The following SHISAL1 variants were observed in gnomAD, a reference collection of about 807,000 sequenced individuals.
SHISAL1 encodes the protein shisa like 1, also known as protein shisa-like-1.
SHISAL1 carries 9 observed loss-of-function variants against 22.6 expected under a neutral mutation model. The ratio of observed to expected loss-of-function variants is 0.40; its 90% CI spans 0.24 to 0.70. The LOEUF is 0.70. Among genes scored for constraint, SHISAL1 ranks in the 30% least tolerant of loss-of-function variants. SHISAL1 has a pLI of 0.39. For missense variants in SHISAL1, 246 were observed against 270.6 expected (o/e 0.91, Z 0.64); for synonymous variants, 119 against 115.4 (o/e 1.03, Z -0.20).
intron 4 of SHISAL1, among the ~76,000 whole-genome samples, chr22:44,257,718 C>T (rs1292942479): frequency 6.6e-6 from 1 of 152,228 alleles, no homozygotes; most frequent in Non-Finnish European, 1.5e-5. Flanking sequence ...AAGGGACTCG[C>T]CACCGTGCTC....
At chr22:44,261,075 C>CATATATATATA (rs1439393669) in intron 4 of SHISAL1, among the ~76,000 whole-genome samples, 1 of 53,986 alleles carries the variant, frequency 1.9e-5, no homozygotes, top group African/African-American at 8.2e-5. Context: ...TGCTTCATTA[C>CATATATATATA]TTTATATATA....
chr22:44,288,917 G>A (rs2055334376), intron 3 of SHISAL1, among the ~76,000 whole-genome samples: 1 of 152,236 alleles, frequency 6.6e-6, no homozygotes, highest in African/African-American at 2.4e-5. Context: ...TGGAGATTGG[G>A]AGGGCCCTGA....
rs2055137235 is a variant in SHISAL1 at position 44,263,092 on chromosome 22, T to C, written c.*-13407A>G. Among the ~76,000 whole-genome samples the C allele has an allele frequency of 4.8e-5, 7 of 145,782 alleles. No homozygotes were observed. In the South Asian group the frequency reaches 1.6e-3, roughly 33 times the overall value. ...TTTTCTTTCTTTCTTTTTTTTTTTT[T>C]TTTTTTTGGAGATGGAGTCTGTGTC... On this transcript the variant is annotated intron_variant, in intron 4 of 4. Transcript: ENST00000381176.
In SHISAL1 at chr22:44,248,231, G is replaced by C. The variant is rs748081441; in HGVS notation, c.*1454C>G. The C allele has an allele frequency of 4.6e-5, 7 of 152,234 alleles. No individual in the cohort carries two copies. The highest frequency in any genetic ancestry group is 8.8e-5 in the Non-Finnish European group (6 of 68,072). The allele number at this position is 152,234 out of a possible 1,614,324, so 9.4% of individuals were successfully genotyped here. On this transcript the variant is annotated 3_prime_UTR_variant, in exon 5 of 5. Transcript: ENST00000381176. The stretch of plus-strand genomic sequence containing the variant: ...GCAGGGACCTGCCTTGCTCACTGTC[G>C]TGTCTGGTGAATGGATGGGTGGTCA...
upstream of SHISAL1, among the ~76,000 whole-genome samples, chr22:44,317,541 C>A (rs942329723): frequency 6.6e-6 from 1 of 152,170 alleles, no homozygotes; most frequent in Non-Finnish European, 1.5e-5. Context: ...ATGCCTGTGG[C>A]CCCAACACCC....
the SHISAL1 span, among the ~76,000 whole-genome samples, chr22:44,329,762 C>A: frequency 6.6e-6 from 1 of 152,176 alleles, no homozygotes; most frequent in African/African-American, 2.4e-5. Flanking sequence ...TGGGGAGCGA[C>A]CCCCCAATTC....
chr22:44,294,194 T>A (rs548512389), intron 3 of SHISAL1, among the ~76,000 whole-genome samples: 1 of 152,336 alleles, frequency 6.6e-6, no homozygotes, highest in East Asian at 1.9e-4. Context: ...AGCCCTGATA[T>A]GATGGACAGG....
intron 1 of SHISAL1, among the ~76,000 whole-genome samples, chr22:44,303,740 C>T (rs987770126): frequency 2.6e-5 from 4 of 152,168 alleles, no homozygotes; most frequent in Admixed American, 6.5e-5. Context: ...TGGGTCCACA[C>T]GAGGAAGCTC....
rs909058710 is a variant in SHISAL1, at chr22:44,246,512, C to T, written c.*3173G>A. ...TATGCTTGAACTCGTCACTACCCTG[C>T]ATCCATCTTGTTCTCAGGGACAGTC... On this transcript the variant is annotated 3_prime_UTR_variant, in exon 5 of 5. Transcript: ENST00000381176. 3.9e-5 allele frequency: 6 copies of T among 152,256 alleles called. No individual in the cohort carries two copies. Among genetic ancestry groups the T allele is most frequent in the African/African-American group, 7.2e-5 (3 of 41,446 alleles). The allele number at this position is 152,256 out of a possible 1,614,324, so 9.4% of individuals were successfully genotyped here.
At chr22:44,319,260 G>T in the SHISAL1 span, among the ~76,000 whole-genome samples, 2 of 152,266 alleles carry the variant, frequency 1.3e-5, no homozygotes, top group South Asian at 2.1e-4. Flanking sequence ...AAAAGGAGGG[G>T]CTACTGCCCA....
chr22:44,267,431 G>A (rs1270879999), intron 4 of SHISAL1, among the ~76,000 whole-genome samples: 1 of 150,510 alleles, frequency 6.6e-6, no homozygotes, highest in Admixed American at 6.6e-5. Flanking sequence ...CCCAGGCCCT[G>A]GCCAATCTCA....
intron 4 of SHISAL1, among the ~76,000 whole-genome samples, chr22:44,255,352 C>G (rs2055077431): frequency 1.3e-5 from 2 of 152,130 alleles, no homozygotes; most frequent in South Asian, 4.1e-4. Flanking sequence ...ACTTAATATA[C>G]CCCAAACCAA....
At chr22:44,298,627 C>T (rs1183372910) in intron 2 of SHISAL1, among the ~76,000 whole-genome samples, 1 of 152,242 alleles carries the variant, frequency 6.6e-6, no homozygotes, top group Non-Finnish European at 1.5e-5. Flanking sequence ...GGCAGAAAGT[C>T]TAGCTTAGGC....
At chr22:44,259,315 G>A (rs1172413453) in intron 4 of SHISAL1, among the ~76,000 whole-genome samples, 1 of 152,148 alleles carries the variant, frequency 6.6e-6, no homozygotes, top group Non-Finnish European at 1.5e-5. Flanking sequence ...GCACACACCT[G>A]TAATCCCAGC....
chr22:44,286,757 G>C (rs150230712), intron 3 of SHISAL1, among the ~76,000 whole-genome samples: 1 of 152,106 alleles, frequency 6.6e-6, no homozygotes, highest in Non-Finnish European at 1.5e-5. Context: ...AAGTCTCCCC[G>C]ACCTGTGCCC....
At chr22:44,286,966 G>A (rs934338691) in intron 3 of SHISAL1, among the ~76,000 whole-genome samples, 7 of 149,112 alleles carry the variant, frequency 4.7e-5, no homozygotes, top group Admixed American at 4.6e-4. Context: ...GCCAGTGTCC[G>A]GCCTGTACAC....
chr22:44,331,183 G>C, the SHISAL1 span, among the ~76,000 whole-genome samples: 1 of 151,780 alleles, frequency 6.6e-6, no homozygotes, highest in Non-Finnish European at 1.5e-5. This position sits in a 1 kb window ranked among gnomAD's most constrained non-coding sequence, Gnocchi z 5.2. Context: ...GGTGAGCGCC[G>C]GCGCGGACCC....
the SHISAL1 span, among the ~76,000 whole-genome samples, chr22:44,322,209 T>C: frequency 6.6e-6 from 1 of 152,180 alleles, no homozygotes; most frequent in Non-Finnish European, 1.5e-5. Flanking sequence ...CACAGAAAGT[T>C]ATGAGAATTA....
intron 1 of SHISAL1, among the ~76,000 whole-genome samples, chr22:44,307,394 T>C (rs2055487011): frequency 6.6e-6 from 1 of 152,110 alleles, no homozygotes. Context: ...TTGCCCAAGG[T>C]CACACAGCCA....
Sources: allele counts gnomAD v4.1 joint callset (sites outside exome capture counted in the v4.1 genomes callset), GRCh38; gene constraint gnomAD v4.1.1; non-coding constraint Gnocchi (gnomAD v3.1); transcripts MANE v1.5; gene names NCBI Gene and HGNC (gene_info 2026-07-23, HGNC 2026-07-21).